The following A1BG variants were observed in gnomAD, a reference collection of about 807,000 sequenced individuals.
A1BG encodes alpha-1B-glycoprotein.
A neutral mutation model predicts 46.0 loss-of-function variants in A1BG; 44 were observed. The observed-to-expected ratio is 0.96, with a 90% confidence interval of 0.75 to 1.23. A1BG has a LOEUF of 1.23. Among genes scored for constraint, A1BG ranks in the 50% most tolerant of loss-of-function variants. The pLI is 0.00. For missense variants in A1BG, 707 were observed against 688.8 expected, an observed-to-expected ratio of 1.03 and a Z score of -0.30; for synonymous variants, 316 against 314.7, an observed-to-expected ratio of 1.00 and a Z score of -0.04.
chr19:58,351,643 G>C lies in A1BG; in HGVS notation c.658C>G (p.Gln220Glu). 1.9e-6 allele frequency: 3 copies of C among 1,611,236 alleles called. No individual in the cohort carries two copies. Among genetic ancestry groups the C allele is most frequent in the Non-Finnish European group, 2.5e-6 (3 of 1,179,042 alleles). ...ACCTTGTTGCCAGGGTGCAGGACCT[G>C]GGAGGACTCTCCATGGTGCATCAGC... ...PVLMHHGESS[Q>E]VLHPGNKVTL... The change falls in exon 5 of 8, where the codon CAG becomes GAG. Residue 220 changes from glutamine (Q) to glutamate (E), a missense_variant. By Grantham distance (29) the Gln-to-Glu change is conservative. Coordinates refer to ENST00000263100, the MANE Select transcript of A1BG (RefSeq NM_130786.4).
rs1460284439 is a variant in A1BG, at chr19:58,353,280, C to G, written c.70+12G>C. 1 of 1,613,902 alleles carries G rather than the reference C, an allele frequency of 6.2e-7. No homozygotes were observed. Among genetic ancestry groups the G allele is most frequent in the South Asian group, 1.1e-5 (1 of 91,072 alleles). On this transcript the variant is annotated intron_variant, in intron 2 of 7. Transcript: ENST00000263100. ...TGGGCCCACCATTCCCAGACCTCAC[C>G]CCTGCACTCACATATGGCTGCTTCT... is the stretch of plus-strand genomic sequence containing the variant.
chr19:58,350,569 G>A lies in A1BG; in HGVS notation c.993C>T (p.Gly331=), dbSNP rs1209596790. 2.6e-5 allele frequency: 40 copies of A among 1,540,546 alleles called. No homozygotes were observed. Among genetic ancestry groups the A allele is most frequent in the Non-Finnish European group, 3.2e-5 (37 of 1,142,264 alleles). The change falls in exon 6 of 8, where the codon GGC becomes GGT. Residue 331 remains glycine, a synonymous_variant. Transcript: ENST00000263100. ...LRLRCLAPLE[G]ARFALVREDR... is the part of the protein sequence containing the mutation. ...CCTCGCGCACCAGGGCGAAGCGCGC[G>A]CCCTCCAGGGGCGCCAGGCACCGCA...
In A1BG at chr19:58,347,342, G is replaced by A. The variant is rs1465476374; in HGVS notation, c.1480+11C>T. 7 of 1,610,284 alleles carry A rather than the reference G, an allele frequency of 4.3e-6. No homozygotes were observed. The highest frequency in any genetic ancestry group is 2.7e-5 in the African/African-American group (2 of 74,916). ...GACGGAACCAGCACCCGGGACCCAGGGAAACGTCACCTGCCACCAGGAGCT... is the reference window on the plus strand; with the variant it reads ...GACGGAACCAGCACCCGGGACCCAGAGAAACGTCACCTGCCACCAGGAGCT... On this transcript the variant is annotated intron_variant, in intron 7 of 7. Transcript: ENST00000263100.
rs376223127 is a variant in A1BG, at chr19:58,353,345, G to A, written c.35-18C>T. The A allele has an allele frequency of 3.4e-5, 54 of 1,610,064 alleles. No homozygotes were observed. The highest frequency in any genetic ancestry group is 2.2e-4 in the East Asian group (10 of 44,768). On this transcript the variant is annotated intron_variant, in intron 1 of 7. Coordinates refer to ENST00000263100, the MANE Select transcript of A1BG (RefSeq NM_130786.4). ...GGTGACACCTGCGGAGACAGCCCCC[G>A]TAAGGCTCCTGTTCCCGCCCCCTCC...
In A1BG at chr19:58,350,592, G is replaced by T. The variant is rs755048001; in HGVS notation, c.970C>A (p.Arg324=). 1.3e-6 allele frequency: 2 copies of T among 1,500,600 alleles called. No homozygotes were observed. The highest frequency in any genetic ancestry group is 5.2e-5 in the East Asian group (2 of 38,224). 93.0% of individuals were successfully genotyped at this position (1,500,600 alleles called of 1,614,324 possible). ...EPESGRALRL[R]CLAPLEGARF... ...GCGCCCTCCAGGGGCGCCAGGCACC[G>T]CAGCCGCAAGGCCCTGCCGGACTCC... The change falls in exon 6 of 8, where the codon CGG becomes AGG. Residue 324 remains arginine (R), a synonymous_variant. Transcript: ENST00000263100.
rs770134003 is a variant in A1BG at position 58,351,537 on chromosome 19, C to T, written c.764G>A (p.Ser255Asn). The change falls in exon 5 of 8, where the codon AGC (serine) becomes AAC (asparagine). Residue 255 changes from serine (S) to asparagine (N), a missense_variant. Transcript: ENST00000263100. ...GAAGATGCGATCTGGGCTGGTGCTG[C>T]TCCTGGGTACCAGCAGCTCTTTCTC... is the stretch of plus-strand genomic sequence containing the variant. ...RGEKELLVPR[S>N]STSPDRIFFH... is the part of the protein sequence containing the mutation. The T allele has an allele frequency of 1.2e-6, 2 of 1,613,948 alleles. No homozygotes were observed. The highest frequency in any genetic ancestry group is 4.5e-5 in the East Asian group (2 of 44,892).
rs2051909917 is a variant in A1BG, at chr19:58,345,691, G to C, written c.*1331C>G. The C allele has an allele frequency of 6.6e-6, 1 of 152,306 alleles. No individual in the cohort carries two copies. Among genetic ancestry groups the C allele is most frequent in the Admixed American group, 6.6e-5 (1 of 15,248 alleles). The allele number at this position is 152,306 out of a possible 1,614,324, so 9.4% of individuals were successfully genotyped here. A position where few individuals can be genotyped will look rare whatever the true frequency, so the allele number is the denominator to read the frequency against. On this transcript the variant is annotated 3_prime_UTR_variant, in exon 8 of 8. Transcript: ENST00000263100. ...CTCAAAAACAAATAAACAAGAAAAG[G>C]TTTTAAAAATTGATAAACCACTAGC...
Position 58,346,792 on chromosome 19 carries a change from A to C in A1BG, c.*230T>G, listed in dbSNP as rs1286158233. On this transcript the variant is annotated 3_prime_UTR_variant, in exon 8 of 8. Transcript: ENST00000263100. ...ACTCCTCTACCTCAGGAGCCACCCC[A>C]GAACCCATCCACTTTGAGGACACGA... 1 of 652,112 alleles carries C rather than the reference A, an allele frequency of 1.5e-6. No homozygotes were observed. The highest frequency in any genetic ancestry group is 2.4e-5 in the Admixed American group (1 of 41,638). The allele number at this position is 652,112 out of a possible 1,614,324, so 40.4% of individuals were successfully genotyped here. A position where few individuals can be genotyped will look rare whatever the true frequency, so the allele number is the denominator to read the frequency against.
rs2051918888 is a variant in A1BG, at chr19:58,347,139, G to A, written c.1481-110C>T. ...ACGCCCCCCCGGAAGGAAGCGCGTG[G>A]TCGGCTGCCAGCCGAGACCCCCATC... On this transcript the variant is annotated intron_variant, in intron 7 of 7. Transcript: ENST00000263100. The A allele has an allele frequency of 2.1e-6, 3 of 1,454,112 alleles. No homozygotes were observed. The Admixed American group carries it at 5.9e-5, about 29-fold the overall frequency. 90.1% of individuals were successfully genotyped at this position (1,454,112 alleles called of 1,614,324 possible).
At chr19:58,347,052 A>G in intron 7 of A1BG, 23 bp from the exon 8 acceptor site, 1 of 1,613,984 alleles carries the variant, frequency 6.2e-7, no homozygotes, top group Non-Finnish European at 8.5e-7. Flanking sequence ...AGAAAAGAGA[A>G]ATGGTGGAGG....
At chr19:58,352,016 G>T in intron 4 of A1BG, 2 of 1,190,316 alleles carry the variant, frequency 1.7e-6, no homozygotes, top group Non-Finnish European at 1.1e-6. Context: ...GACTGGTCTC[G>T]ATCTCTTGAC....
intron 6 of A1BG, 156 bp from the exon 7 acceptor site, chr19:58,347,796 C>T (rs995229679): frequency 7.1e-6 from 3 of 424,092 alleles, no homozygotes; most frequent in Non-Finnish European, 1.2e-5. Flanking sequence ...TCCTCCGGCG[C>T]CGCCGAGCTG....
chr19:58,353,167 T>C lies in A1BG; in HGVS notation c.101A>G (p.Glu34Gly), dbSNP rs781460573. The change falls in exon 3 of 8, where the codon GAG becomes GGG. Residue 34 changes from glutamate to glycine, a missense_variant. By Grantham distance (98) the Glu-to-Gly change is moderately conservative (BLOSUM62 -2). Coordinates refer to ENST00000263100, the MANE Select transcript of A1BG (RefSeq NM_130786.4). ...CAAGGGTTTCAGCAGTGATTCGGAC[T>C]CTGCCCACAGGCTGGGCTGCGTCTC... is the stretch of plus-strand genomic sequence containing the variant. ...FYETQPSLWA[E>G]SESLLKPLAN... The C allele has an allele frequency of 1.1e-5, 17 of 1,613,948 alleles. No homozygotes were observed. The highest frequency in any genetic ancestry group is 1.4e-5 in the Non-Finnish European group (17 of 1,179,944).
At chr19:58,347,318 A>G (rs762128963) in intron 7 of A1BG, 35 bp downstream of exon 7, 31 of 1,607,524 alleles carry the variant, frequency 1.9e-5, no homozygotes, top group Non-Finnish European at 2.5e-5. Context: ...ACATCAGCAG[A>G]CGGAACCAGC....
rs762192444 is a variant in A1BG at position 58,351,674 on chromosome 19, C to T, written c.627G>A (p.Pro209=). ...VTIEELAAPP[P]PVLMHHGESS... is the part of the protein sequence containing the mutation. ...ACTCTCCATGGTGCATCAGCACAGG[C>T]GGTGGTGGTGCAGCTGCAATGCAGG... Residue 209 remains proline (P), a synonymous_variant, in exon 5 of 8, where the codon CCG becomes CCA. Coordinates refer to ENST00000263100, the MANE Select transcript of A1BG (RefSeq NM_130786.4). 8.2e-6 allele frequency: 13 copies of T among 1,594,784 alleles called. No homozygotes were observed. Among genetic ancestry groups the T allele is most frequent in the Admixed American group, 3.5e-5 (2 of 57,170 alleles).
In A1BG at chr19:58,350,668, G is replaced by A. The variant is rs1011752329; in HGVS notation, c.911-17C>T. 2.5e-5 allele frequency: 34 copies of A among 1,347,254 alleles called. No individual in the cohort carries two copies. The highest frequency in any genetic ancestry group is 1.9e-4 in the Admixed American group (5 of 26,014). 83.5% of individuals were successfully genotyped at this position (1,347,254 alleles called of 1,614,324 possible). ...GCAGCGTCTCTGCGGAGCAGCACAC[G>A]GGCTGACCCGGGCGCCCAGCGGCTG... On this transcript the variant is annotated splice_polypyrimidine_tract_variant and intron_variant, in intron 5 of 7. Coordinates refer to ENST00000263100, the MANE Select transcript of A1BG (RefSeq NM_130786.4).
At chr19:58,347,295 A>G (rs1322685510) in intron 7 of A1BG, 58 bp downstream of exon 7, 5 of 1,603,248 alleles carry the variant, frequency 3.1e-6, no homozygotes, top group Admixed American at 1.7e-5. Context: ...GGAGGTGGGC[A>G]CAGCCCAGGC....
intron 7 of A1BG, 114 bp downstream of exon 7, chr19:58,347,239 G>A (rs1471539211): frequency 7.4e-7 from 1 of 1,344,208 alleles, no homozygotes; most frequent in Admixed American, 2.9e-5. Context: ...GGGAGACCCA[G>A]CGCTAACCAG....
At position 58,353,447 on chromosome 19, in the gene A1BG, G is replaced by C. The variant is rs368025863; in HGVS notation, c.-10C>G. 4.4e-6 allele frequency: 7 copies of C among 1,606,066 alleles called. No homozygotes were observed. Among genetic ancestry groups the C allele is most frequent in the Middle Eastern group, 1.6e-4 (1 of 6,080 alleles). On this transcript the variant is annotated 5_prime_UTR_variant, in exon 1 of 8. Transcript: ENST00000263100. ...CCACGAGCATGGACATGATGGTCGC[G>C]CTCACTCCGGTGCAGTGAGTGTCTG... is the stretch of plus-strand genomic sequence containing the variant.
Sources: gnomAD v4.1 joint callset for allele counts on GRCh38, gnomAD v4.1.1 for gene constraint, MANE v1.5 for transcripts, NCBI Gene and HGNC (gene_info 2026-07-23, HGNC 2026-07-21) for gene names.